The following RABGAP1L variants were observed in gnomAD, a reference collection of about 807,000 sequenced individuals.
RABGAP1L encodes the protein rab GTPase-activating protein 1-like.
In RABGAP1L, 63 loss-of-function variants were observed where a neutral mutation model predicts 137.7. The ratio of observed to expected loss-of-function variants is 0.46; its 90% CI spans 0.37 to 0.56. The LOEUF (loss-of-function observed/expected upper bound fraction) is 0.56. RABGAP1L is among the 20% of genes least tolerant of loss of function. The pLI is 0.00. For missense variants in RABGAP1L, 1,095 were observed against 1,244.0 expected (o/e 0.88, Z 1.80); for synonymous variants, 431 against 433.7 (o/e 0.99, Z 0.08).
rs997365228 is a variant in RABGAP1L at position 174,274,418 on chromosome 1, G to T, written c.1054-1415G>T. Among the ~76,000 whole-genome samples, 102 of 152,212 alleles carry T rather than the reference G, an allele frequency of 6.7e-4. 1 individual carries two copies. Among genetic ancestry groups the T allele is most frequent in the African/African-American group, 2.2e-3 (93 of 41,554 alleles). ...TGTGTTTAGGTACACAAATGGTATT[G>T]TTATAGTTGCTATAGTATTTGGTAC... On this transcript the variant is annotated intron_variant, in intron 8 of 25. Transcript: ENST00000681986.
chr1:174,470,772 G>GA (rs145995375), intron 13 of RABGAP1L, among the ~76,000 whole-genome samples: 33,210 of 149,372 alleles, frequency 0.22, 3,992 homozygotes, highest in Admixed American at 0.26. Context: ...TGTCTGACTG[G>GA]AAAAAAAAAA....
chr1:174,257,845 CAT>C (rs1465277763), intron 7 of RABGAP1L, among the ~76,000 whole-genome samples: 6 of 152,160 alleles, frequency 3.9e-5, no homozygotes, highest in African/African-American at 1.4e-4. Context: ...TTATTGTGTA[CAT>C]GTTTTGAGAT....
At chr1:174,550,895 T>TATATATATACAC (rs1456087584) in intron 13 of RABGAP1L, among the ~76,000 whole-genome samples, 5 of 50,962 alleles carry the variant, frequency 9.8e-5, no homozygotes, top group Non-Finnish European at 1.7e-4. Context: ...TATATATATA[T>TATATATATACAC]ACACACACAC....
At chr1:174,360,894 C>T (rs929656534) in intron 11 of RABGAP1L, among the ~76,000 whole-genome samples, 3 of 152,080 alleles carry the variant, frequency 2.0e-5, no homozygotes, top group Admixed American at 6.5e-5. Context: ...TGGTGGCTCA[C>T]GCCTGTAATC....
chr1:174,527,104 T>G (rs1211601493), intron 13 of RABGAP1L, among the ~76,000 whole-genome samples: 1 of 152,174 alleles, frequency 6.6e-6, no homozygotes, highest in East Asian at 1.9e-4. Flanking sequence ...CAGGAGCATT[T>G]TGTTCAACAT....
intron 17 of RABGAP1L, among the ~76,000 whole-genome samples, chr1:174,719,754 A>G (rs562885027): frequency 6.6e-6 from 1 of 152,348 alleles, no homozygotes; most frequent in African/African-American, 2.4e-5. Flanking sequence ...GTGTATCATC[A>G]GTCCAAATTC....
intron 15 of RABGAP1L, among the ~76,000 whole-genome samples, chr1:174,692,912 A>G (rs1440418659): frequency 2.0e-5 from 3 of 152,190 alleles, no homozygotes; most frequent in Admixed American, 6.5e-5. Flanking sequence ...CTTAGGCATT[A>G]AAAGAGGTTG....
At chr1:174,610,321 T>G (rs1257935524) in intron 13 of RABGAP1L, among the ~76,000 whole-genome samples, 2 of 151,116 alleles carry the variant, frequency 1.3e-5, no homozygotes. Flanking sequence ...TTTTTTGTCC[T>G]TGTGATAGTT....
At chr1:174,964,821 A>G (rs2149356592) in intron 20 of RABGAP1L, 16 of 1,398,648 alleles carry the variant, frequency 1.1e-5, no homozygotes, top group Non-Finnish European at 1.4e-5. Context: ...TTAGAGTTAT[A>G]TGACACTCAA....
chr1:174,736,919 G>A (rs777856778), intron 17 of RABGAP1L, among the ~76,000 whole-genome samples: 2 of 152,172 alleles, frequency 1.3e-5, no homozygotes, highest in Non-Finnish European at 2.9e-5. Flanking sequence ...TGGGGCCCCG[G>A]GCCTGGCCCC....
intron 13 of RABGAP1L, among the ~76,000 whole-genome samples, chr1:174,475,517 G>A (rs994969217): frequency 6.6e-6 from 1 of 151,968 alleles, no homozygotes; most frequent in Non-Finnish European, 1.5e-5. Context: ...AATATTAGGG[G>A]CAAACAATTA....
At chr1:174,607,723 G>A (rs1670891139) in intron 13 of RABGAP1L, among the ~76,000 whole-genome samples, 1 of 152,222 alleles carries the variant, frequency 6.6e-6, no homozygotes, top group Non-Finnish European at 1.5e-5. Flanking sequence ...TAACTTGGAA[G>A]AGTGTTATTT....
At chr1:174,772,405 C>T (rs1219669822) in intron 18 of RABGAP1L, among the ~76,000 whole-genome samples, 5 of 151,544 alleles carry the variant, frequency 3.3e-5, no homozygotes, top group Admixed American at 6.6e-5. Flanking sequence ...TGGAGAAACC[C>T]CATTTCTACT....
intron 7 of RABGAP1L, among the ~76,000 whole-genome samples, chr1:174,262,872 G>A (rs1380168534): frequency 2.6e-5 from 4 of 152,226 alleles, no homozygotes; most frequent in African/African-American, 9.6e-5. Flanking sequence ...CCAGTAGAGG[G>A]TGTTGCAGGG....
At chr1:174,517,810 GGTT>G (rs1212725866) in intron 13 of RABGAP1L, among the ~76,000 whole-genome samples, 2 of 151,940 alleles carry the variant, frequency 1.3e-5, no homozygotes, top group Non-Finnish European at 2.9e-5. Context: ...ATATTGTTTT[GGTT>G]GTTATTTTGC....
In RABGAP1L at chr1:174,601,197, C is replaced by T. The variant is rs118017273; in HGVS notation, c.1711-36178C>T. On this transcript the variant is annotated intron_variant, in intron 13 of 25. Transcript: ENST00000681986. ...CAGGGAACCAAGTCCCTAGGCCGCA[C>T]GCAGCACAGGTAACCCTGGGCCCAG... 8.5e-4 allele frequency among the ~76,000 whole-genome samples: 130 copies of T among 152,298 alleles called. 3 individuals carry two copies. In the East Asian group the frequency reaches 0.023, roughly 27 times the overall value.
intron 13 of RABGAP1L, among the ~76,000 whole-genome samples, chr1:174,495,892 T>C (rs1382481733): frequency 6.6e-6 from 1 of 152,140 alleles, no homozygotes; most frequent in East Asian, 1.9e-4. Flanking sequence ...CAAAGACTTA[T>C]TTTATTTTTT....
At chr1:174,624,344 G>T (rs1370881520) in intron 13 of RABGAP1L, among the ~76,000 whole-genome samples, 2 of 152,020 alleles carry the variant, frequency 1.3e-5, no homozygotes, top group Non-Finnish European at 2.9e-5. Context: ...TTTTTTGGCT[G>T]TTAGCATATA....
At chr1:174,533,970 C>G (rs1346292696) in intron 13 of RABGAP1L, among the ~76,000 whole-genome samples, 1 of 152,142 alleles carries the variant, frequency 6.6e-6, no homozygotes, top group Non-Finnish European at 1.5e-5. Context: ...CCGCGCCCAG[C>G]CCACAAAATA....
Sources: allele counts gnomAD v4.1 joint callset (sites outside exome capture counted in the v4.1 genomes callset), GRCh38; gene constraint gnomAD v4.1.1; transcripts MANE v1.5; gene names NCBI Gene and HGNC (gene_info 2026-07-23, HGNC 2026-07-21).